The following ZNFX1 variants were observed in gnomAD, a reference collection of about 807,000 sequenced individuals.
ZNFX1 encodes the protein NFX1-type zinc finger-containing protein 1.
In ZNFX1, 78 loss-of-function variants were observed where a neutral mutation model predicts 179.8. The ratio of observed to expected loss-of-function variants is 0.43; its 90% CI spans 0.36 to 0.52. The LOEUF (loss-of-function observed/expected upper bound fraction) is 0.52. ZNFX1 is among the 20% of genes least tolerant of loss of function. The pLI, the probability that ZNFX1 is intolerant of heterozygous loss-of-function variation, is 0.00. For missense variants in ZNFX1, 1,927 were observed against 2,386.6 expected (o/e 0.81, Z 4.01); for synonymous variants, 848 against 868.5 (o/e 0.98, Z 0.42).
Position 49,247,316 on chromosome 20 carries a change from T to C in ZNFX1, c.5708A>G (p.Asp1903Gly). The C allele has an allele frequency of 6.2e-7, 1 of 1,614,010 alleles. No individual in the cohort carries two copies. Among genetic ancestry groups the C allele is most frequent in the Non-Finnish European group, 8.5e-7 (1 of 1,179,904 alleles). Residue 1903 changes from aspartate (D) to glycine (G), a missense_variant, in exon 14 of 14, where the codon GAC becomes GGC. Transcript: ENST00000396105. ...MDGAQHAAWS[D>G]TANNLMNFEE... ...AAAGTTCATCAGGTTGTTGGCCGTG[T>C]CAGACCAGGCAGCATGCTGGGCTCC... is the stretch of plus-strand genomic sequence containing the variant.
intron 10 of ZNFX1, 110 bp from the exon 11 acceptor site, chr20:49,253,921 G>A (rs552838077): frequency 7.7e-6 from 10 of 1,301,706 alleles, no homozygotes; most frequent in Admixed American, 6.1e-5. Flanking sequence ...CTGCATCAGC[G>A]ACAGCTGGTC....
At chr20:49,257,785 T>C (rs1312003457) in intron 7 of ZNFX1, 121 bp from the exon 8 acceptor site, 9 of 1,423,754 alleles carry the variant, frequency 6.3e-6, no homozygotes, top group Non-Finnish European at 8.3e-6. Flanking sequence ...CATTGCAACC[T>C]CTGCCTCCTG....
chr20:49,271,774 A>G (rs946425256), intron 2 of ZNFX1, 24 bp from the exon 3 acceptor site: 2 of 1,562,346 alleles, frequency 1.3e-6, no homozygotes, highest in African/African-American at 1.4e-5. Context: ...AATATTGAGT[A>G]ACCACAAGAA....
intron 3 of ZNFX1, among the ~76,000 whole-genome samples, chr20:49,267,542 T>G (rs975123336): frequency 6.6e-6 from 1 of 152,032 alleles, no homozygotes; most frequent in East Asian, 1.9e-4. Context: ...AAAGACTTCT[T>G]CCTGTTTGGG....
Position 49,247,323 on chromosome 20 carries a change from A to C in ZNFX1, c.5701T>G (p.Trp1901Gly), listed in dbSNP as rs756523437. The C allele has an allele frequency of 6.2e-7, 1 of 1,614,100 alleles. No individual in the cohort carries two copies. Among genetic ancestry groups the C allele is most frequent in the Non-Finnish European group, 8.5e-7 (1 of 1,179,976 alleles). ...SEMDGAQHAA[W>G]SDTANNLMNF... ...ATCAGGTTGTTGGCCGTGTCAGACC[A>C]GGCAGCATGCTGGGCTCCATCCATT... Residue 1901 changes from tryptophan to glycine, a missense_variant, in exon 14 of 14, where the codon TGG (tryptophan) becomes GGG (glycine). Trp to Gly is a radical substitution (Grantham distance 184). Transcript: ENST00000396105.
intron 12 of ZNFX1, 99 bp from the exon 13 acceptor site, chr20:49,251,721 G>A (rs1382353900): frequency 1.1e-6 from 1 of 896,426 alleles, no homozygotes. Flanking sequence ...GGGAGGGCCA[G>A]TTGTGATGGC....
At chr20:49,251,494 C>A (rs746900696) in intron 13 of ZNFX1, 33 bp downstream of exon 13, 2 of 1,584,520 alleles carry the variant, frequency 1.3e-6, no homozygotes, top group South Asian at 1.1e-5. Flanking sequence ...GTTGCTGACA[C>A]CATCCAAGAA....
chr20:49,249,058 G>C lies in ZNFX1; in HGVS notation c.3966C>G (p.Cys1322Trp), dbSNP rs1387373498. Reference protein sequence around the residue: ...SHKEFQCMKPCQKVICQEGHR... With the variant: ...SHKEFQCMKPWQKVICQEGHR... ...GCCCTTCCTGACAGATGACCTTCTG[G>C]CATGGCTTCATGCATTGGAACTCCT... is the stretch of plus-strand genomic sequence containing the variant. The change falls in exon 14 of 14, where the codon TGC (cysteine) becomes TGG (tryptophan). Residue 1322 changes from cysteine (C) to tryptophan (W), a missense_variant. Transcript: ENST00000396105. The C allele has an allele frequency of 6.2e-7, 1 of 1,614,116 alleles. No homozygotes were observed. Among genetic ancestry groups the C allele is most frequent in the Non-Finnish European group, 8.5e-7 (1 of 1,180,066 alleles).
intron 2 of ZNFX1, among the ~76,000 whole-genome samples, chr20:49,275,551 A>G (rs112393924): frequency 2.0e-5 from 3 of 152,168 alleles, no homozygotes; most frequent in African/African-American, 4.8e-5. Context: ...GAGAAAGCCT[A>G]TTGCCATGTT....
At chr20:49,262,937 A>C (rs920326682) in intron 6 of ZNFX1, among the ~76,000 whole-genome samples, 2 of 152,212 alleles carry the variant, frequency 1.3e-5, no homozygotes, top group Admixed American at 6.5e-5. Flanking sequence ...TAAATTAATA[A>C]GTTTACAAAT....
intron 7 of ZNFX1, among the ~76,000 whole-genome samples, chr20:49,258,760 C>G (rs1286956588): frequency 2.0e-5 from 3 of 151,484 alleles, no homozygotes; most frequent in Non-Finnish European, 4.4e-5. Context: ...GAGCCGAGAT[C>G]GTGCCATTGC....
At position 49,257,484 on chromosome 20, in the gene ZNFX1, G is replaced by A. The variant is rs1334545609; in HGVS notation, c.2597C>T (p.Ala866Val). 1 of 1,613,984 alleles carries A rather than the reference G, an allele frequency of 6.2e-7. No homozygotes were observed. The highest frequency in any genetic ancestry group is 1.1e-5 in the South Asian group (1 of 91,076). The change falls in exon 8 of 14, where the codon GCC becomes GTC. Residue 866 changes from alanine to valine, a missense_variant. Transcript: ENST00000396105. ...ADQELAKMLL[A>V]MRLDHCGTGT... ...AGTGCCACAATGGTCTAGCCTCATGGCCAGAAGCATTTTAGCCAACTCCTG... is the reference window on the plus strand; with the variant it reads ...AGTGCCACAATGGTCTAGCCTCATGACCAGAAGCATTTTAGCCAACTCCTG...
chr20:49,249,483 C>T lies in ZNFX1; in HGVS notation c.3541G>A (p.Val1181Ile). 6.2e-7 allele frequency: 1 copy of T among 1,614,232 alleles called. No homozygotes were observed. Among genetic ancestry groups the T allele is most frequent in the Non-Finnish European group, 8.5e-7 (1 of 1,180,042 alleles). Residue 1181 changes from valine (V) to isoleucine (I), a missense_variant, in exon 14 of 14, where the codon GTC (valine) becomes ATC (isoleucine). By Grantham distance (29) the Val-to-Ile change is conservative. Coordinates refer to ENST00000396105, the MANE Select transcript of ZNFX1 (RefSeq NM_021035.3). ...CCTTGGTATTTGTCCACAACATGGA[C>T]CCTGACGCCAGCAAATGTCTTGGCA... The part of the protein sequence containing the change: ...MPAKTFAGVR[V>I]HVVDKYQGEE...
chr20:49,265,538 A>G (rs1319335848), intron 4 of ZNFX1, among the ~76,000 whole-genome samples: 1 of 152,218 alleles, frequency 6.6e-6, no homozygotes, highest in Non-Finnish European at 1.5e-5. Flanking sequence ...CTCTAAGAAT[A>G]AAGATTTATC....
intron 5 of ZNFX1, among the ~76,000 whole-genome samples, chr20:49,264,360 T>TAAGGAAATTA (rs1981187812): frequency 6.6e-6 from 1 of 152,218 alleles, no homozygotes; most frequent in Non-Finnish European, 1.5e-5. Context: ...ATCTGTTCTC[T>TAAGGAAATTA]CTCTTTTCCT....
chr20:49,270,021 C>T lies in ZNFX1; in HGVS notation c.1791G>A (p.Lys597=), dbSNP rs1413116857. Residue 597 remains lysine, a synonymous_variant, in exon 3 of 14, where the codon AAG becomes AAA. Coordinates refer to ENST00000396105, the MANE Select transcript of ZNFX1 (RefSeq NM_021035.3). The surrounding 1 kb of genome is among the most constrained non-coding windows in gnomAD (Gnocchi z 4.6). ...AGGCTTCCATCTGGGAGTCATCCAGCTTCAGGGCTTCTTTTGAGGGCCACT... is the reference window on the plus strand; with the variant it reads ...AGGCTTCCATCTGGGAGTCATCCAGTTTCAGGGCTTCTTTTGAGGGCCACT... ...PGQWPSKEAL[K]LDDSQMEALQ... is the part of the protein sequence containing the mutation. The T allele has an allele frequency of 5.0e-6, 8 of 1,614,104 alleles. No individual in the cohort carries two copies. The highest frequency in any genetic ancestry group is 1.6e-4 in the Middle Eastern group (1 of 6,066).
chr20:49,277,204 G>A lies in ZNFX1; in HGVS notation c.-49+817C>T, dbSNP rs866253466. Among the ~76,000 whole-genome samples the A allele has an allele frequency of 1.1e-4, 16 of 152,292 alleles. No individual in the cohort carries two copies. In the South Asian group the frequency reaches 3.3e-3, roughly 32 times the overall value. On this transcript the variant is annotated intron_variant, in intron 1 of 13. Coordinates refer to ENST00000396105, the MANE Select transcript of ZNFX1 (RefSeq NM_021035.3). ...GAGGGGCTAGTCATCACCAGAGTGG[G>A]ACGCAGGAGGCTGAGGTCGGAGGCA... is the stretch of plus-strand genomic sequence containing the variant.
Position 49,257,521 on chromosome 20 carries a change from T to A in ZNFX1, c.2560A>T (p.Ser854Cys). 1 of 1,613,772 alleles carries A rather than the reference T, an allele frequency of 6.2e-7. No individual in the cohort carries two copies. The highest frequency in any genetic ancestry group is 8.5e-7 in the Non-Finnish European group (1 of 1,179,962). Residue 854 changes from serine to cysteine, a missense_variant, in exon 8 of 14, where the codon AGT (serine) becomes TGT (cysteine). By Grantham distance (112) the Ser-to-Cys change is moderately radical. Coordinates refer to ENST00000396105, the MANE Select transcript of ZNFX1 (RefSeq NM_021035.3). ...VRPQRRKKEE[S>C]GADQELAKML... is the part of the protein sequence containing the mutation. ...TTAGCCAACTCCTGGTCTGCTCCAC[T>A]CTCTTCCTTCTTCCGCCGCTGGGGC...
Position 49,247,318 on chromosome 20 carries a change from A to G in ZNFX1, c.5706T>C (p.Ser1902=). 3 of 1,614,052 alleles carry G rather than the reference A, an allele frequency of 1.9e-6. No individual in the cohort carries two copies. Among genetic ancestry groups the G allele is most frequent in the African/African-American group, 1.3e-5 (1 of 75,064 alleles). ...EMDGAQHAAW[S]DTANNLMNFE... is the part of the protein sequence containing the mutation. Reference sequence around the variant, plus strand: ...AGTTCATCAGGTTGTTGGCCGTGTCAGACCAGGCAGCATGCTGGGCTCCAT... The same window carrying G: ...AGTTCATCAGGTTGTTGGCCGTGTCGGACCAGGCAGCATGCTGGGCTCCAT... Residue 1902 remains serine, a synonymous_variant, in exon 14 of 14, where the codon TCT becomes TCC. Transcript: ENST00000396105.
Sources: allele counts gnomAD v4.1 joint callset (sites outside exome capture counted in the v4.1 genomes callset), GRCh38; gene constraint gnomAD v4.1.1; non-coding constraint Gnocchi (gnomAD v3.1); transcripts MANE v1.5; gene names NCBI Gene and HGNC (gene_info 2026-07-23, HGNC 2026-07-21).